Variants in RFX2 observed in about 807,000 individuals in gnomAD.
RFX2 encodes regulatory factor X2, also known as DNA-binding protein RFX2.
A neutral mutation model predicts 87.8 loss-of-function variants in RFX2; 20 were observed. The ratio of observed to expected loss-of-function variants is 0.23; its 90% CI spans 0.16 to 0.33. The LOEUF is 0.33. Among genes scored for constraint, RFX2 ranks in the 10% least tolerant of loss-of-function variants. RFX2 has a pLI of 1.00. For synonymous variants in RFX2, 397 were observed against 431.3 expected, an observed-to-expected ratio of 0.92 and a Z score of 0.98; for missense variants, 767 against 1,012.3, an observed-to-expected ratio of 0.76 and a Z score of 3.29.
At position 6,063,026 on chromosome 19, in the gene RFX2, C is replaced by A. The variant is rs763849704; in HGVS notation, c.-8-15522G>T. 3.9e-5 allele frequency among the ~76,000 whole-genome samples: 6 copies of A among 152,158 alleles called. No homozygotes were observed. Among genetic ancestry groups the A allele is most frequent in the Non-Finnish European group, 7.4e-5 (5 of 68,016 alleles). On this transcript the variant is annotated intron_variant, in intron 1 of 17. Transcript: ENST00000303657. This position sits in a 1 kb window ranked among gnomAD's most constrained non-coding sequence, Gnocchi z 4.0. ...TGGTGCCTGGCCCTTGCTGGGGTCA[C>A]CCACATCCCCTCCCGTGAGCTGCTG...
chr19:6,045,012 A>G lies in RFX2; in HGVS notation c.91-730T>C, dbSNP rs185535934. Among the ~76,000 whole-genome samples the G allele has an allele frequency of 3.3e-5, 5 of 152,274 alleles. No homozygotes were observed. The East Asian group carries it at 9.6e-4, about 29-fold the overall frequency. The stretch of plus-strand genomic sequence containing the variant: ...AAAGTGAACTCGAGTCGAGGGAGGA[A>G]CAGGAGTGTTTTGTGTGTTTATTGA... On this transcript the variant is annotated intron_variant, in intron 2 of 17. Coordinates refer to ENST00000303657, the MANE Select transcript of RFX2 (RefSeq NM_000635.4). The surrounding 1 kb of genome is among the most constrained non-coding windows in gnomAD (Gnocchi z 5.2).
intron 1 of RFX2, among the ~76,000 whole-genome samples, chr19:6,076,171 C>T (rs567349779): frequency 6.6e-6 from 1 of 152,270 alleles, no homozygotes; most frequent in South Asian, 2.1e-4. Context: ...GAAACCCCAT[C>T]TCTACTAAAA....
chr19:6,101,821 C>T lies in RFX2; in HGVS notation c.-9+8572G>A, dbSNP rs1458502273. Among the ~76,000 whole-genome samples the T allele has an allele frequency of 6.6e-6, 1 of 152,156 alleles. No individual in the cohort carries two copies. The highest frequency in any genetic ancestry group is 1.5e-5 in the Non-Finnish European group (1 of 68,024). ...AGCCTCTGTCCAGGTTCTCCCTCTACCTAAGAGTCCCTTTGAGATCTCTGC... is the reference window on the plus strand; with the variant it reads ...AGCCTCTGTCCAGGTTCTCCCTCTATCTAAGAGTCCCTTTGAGATCTCTGC... On this transcript the variant is annotated intron_variant, in intron 1 of 17. Coordinates refer to ENST00000303657, the MANE Select transcript of RFX2 (RefSeq NM_000635.4). The surrounding 1 kb of genome is among the most constrained non-coding windows in gnomAD (Gnocchi z 4.9).
chr19:5,994,903 G>T lies in RFX2; in HGVS notation c.2104C>A (p.Arg702Ser). The T allele has an allele frequency of 1.2e-6, 2 of 1,609,794 alleles. No homozygotes were observed. The change falls in exon 18 of 18, where the codon CGC becomes AGC. Residue 702 changes from arginine (R) to serine (S), a missense_variant. Physicochemically the swap from Arg to Ser is moderately radical, Grantham distance 110. This residue lies in a region of RFX2 where 621 missense variants were observed against 873.0 expected (regional missense o/e 0.71). Coordinates refer to ENST00000303657, the MANE Select transcript of RFX2 (RefSeq NM_000635.4). Reference sequence around the variant, plus strand: ...TTTACCAGGGGCTCACCCAGGCTGCGGGCGTCTGGGCCCGCCTCGCTGCCA... The same window carrying T: ...TTTACCAGGGGCTCACCCAGGCTGCTGGCGTCTGGGCCCGCCTCGCTGCCA... ...QRGSEAGPDA[R>S]SLGEPLVKRE...
In RFX2 at chr19:6,061,600, C is replaced by G. The variant is rs2087432202; in HGVS notation, c.-8-14096G>C. 6.6e-6 allele frequency among the ~76,000 whole-genome samples: 1 copy of G among 152,228 alleles called. No individual in the cohort carries two copies. Among genetic ancestry groups the G allele is most frequent in the African/African-American group, 2.4e-5 (1 of 41,462 alleles). ...CCTACTCCCGGCCCCGCCTCTGGAT[C>G]TTACTGGGGAGTCGGCTGCAGCCGG... On this transcript the variant is annotated intron_variant, in intron 1 of 17. Coordinates refer to ENST00000303657, the MANE Select transcript of RFX2 (RefSeq NM_000635.4). The surrounding 1 kb of genome is among the most constrained non-coding windows in gnomAD (Gnocchi z 5.2).
intron 1 of RFX2, among the ~76,000 whole-genome samples, chr19:6,058,535 C>T (rs114734355): frequency 0.014 from 2,199 of 151,776 alleles, 57 homozygotes; most frequent in African/African-American, 0.05. Flanking sequence ...CAATGCACAC[C>T]AAGGGCAACC....
At chr19:6,073,666 G>T in intron 1 of RFX2, 3 of 248,806 alleles carry the variant, frequency 1.2e-5, no homozygotes, top group Middle Eastern at 1.5e-3. Context: ...AAAGAAGGAA[G>T]GCTGAATGGA....
chr19:6,023,840 C>T lies in RFX2; in HGVS notation c.597+2323G>A, dbSNP rs1166427744. 1.3e-5 allele frequency among the ~76,000 whole-genome samples: 2 copies of T among 151,458 alleles called. No homozygotes were observed. Among genetic ancestry groups the T allele is most frequent in the Admixed American group, 6.6e-5 (1 of 15,208 alleles). Reference sequence around the variant, plus strand: ...TGTCTCCCAGGCTGGAGTGCAGTGGCGCAATCTCAGCTCACTGCAACCTCC... The same window carrying T: ...TGTCTCCCAGGCTGGAGTGCAGTGGTGCAATCTCAGCTCACTGCAACCTCC... On this transcript the variant is annotated intron_variant, in intron 6 of 17. Transcript: ENST00000303657. This position sits in a 1 kb window ranked among gnomAD's most constrained non-coding sequence, Gnocchi z 4.9.
rs2086626164 is a variant in RFX2 at position 6,008,989 on chromosome 19, A to G, written c.1016-765T>C. On this transcript the variant is annotated intron_variant, in intron 9 of 17. Coordinates refer to ENST00000303657, the MANE Select transcript of RFX2 (RefSeq NM_000635.4). ...GCCACCGTGCCCAGTACAGTCAGGG[A>G]ATTTCTAAGCATCAGTTTTCTCAGG... is the stretch of plus-strand genomic sequence containing the variant. Among the ~76,000 whole-genome samples the G allele has an allele frequency of 2.0e-5, 3 of 152,216 alleles. No individual in the cohort carries two copies. The South Asian group carries it at 6.2e-4, about 32-fold the overall frequency.
At chr19:6,073,406 T>C in intron 1 of RFX2, 2 of 1,069,662 alleles carry the variant, frequency 1.9e-6, no homozygotes, top group Middle Eastern at 3.1e-4. Flanking sequence ...GTGCAACAAA[T>C]CTCCCTGTGC....
At chr19:6,032,269 G>A (rs1025879960) in intron 5 of RFX2, among the ~76,000 whole-genome samples, 4 of 151,998 alleles carry the variant, frequency 2.6e-5, no homozygotes, top group Admixed American at 6.6e-5. Flanking sequence ...CTACAGGTGC[G>A]TGCCACCCCG....
intron 1 of RFX2, among the ~76,000 whole-genome samples, chr19:6,088,211 C>G (rs978399347): frequency 5.9e-5 from 5 of 84,394 alleles, no homozygotes; most frequent in African/African-American, 2.4e-4. Flanking sequence ...GGCACTACAG[C>G]TTTTTTTTTT....
intron 1 of RFX2, chr19:6,067,993 A>C (rs923214806): frequency 5.9e-5 from 9 of 152,306 alleles, no homozygotes; most frequent in Admixed American, 2.0e-4. Context: ...AGAAGAAAGG[A>C]AGACAGATTC....
chr19:6,104,568 C>CAAA (rs576267913), intron 1 of RFX2, among the ~76,000 whole-genome samples: 7 of 121,148 alleles, frequency 5.8e-5, no homozygotes, highest in African/African-American at 2.0e-4. Flanking sequence ...GACTCCATCT[C>CAAA]AAAAAAAAAA....
At chr19:6,014,076 T>A (rs1399341040) in intron 7 of RFX2, among the ~76,000 whole-genome samples, 1 of 152,130 alleles carries the variant, frequency 6.6e-6, no homozygotes, top group African/African-American at 2.4e-5. Context: ...TTAAACAATT[T>A]AGTTCAGAAA....
intron 1 of RFX2, among the ~76,000 whole-genome samples, chr19:6,059,182 G>A (rs2087392460): frequency 6.6e-6 from 1 of 152,072 alleles, no homozygotes; most frequent in South Asian, 2.1e-4. Flanking sequence ...GTCTTGCTAT[G>A]TTGCCCAGAA....
rs528411165 is a variant in RFX2 at position 6,096,175 on chromosome 19, G to A, written c.-9+14218C>T. Among the ~76,000 whole-genome samples, 9 of 152,270 alleles carry A rather than the reference G, an allele frequency of 5.9e-5. No homozygotes were observed. The East Asian group carries it at 9.6e-4, about 16-fold the overall frequency. ...GCTCAAATAAAATAATGGCACTTGC[G>A]CCAATCTGCAGAAATATTTATTGAA... On this transcript the variant is annotated intron_variant, in intron 1 of 17. Coordinates refer to ENST00000303657, the MANE Select transcript of RFX2 (RefSeq NM_000635.4).
intron 2 of RFX2, among the ~76,000 whole-genome samples, chr19:6,046,546 G>A (rs1218029990): frequency 6.8e-6 from 1 of 146,060 alleles, no homozygotes; most frequent in Admixed American, 6.8e-5. Flanking sequence ...GCGACAGAGC[G>A]AGACTCCGTC....
In RFX2 at chr19:6,027,408, C is replaced by T. The variant is rs2086905116; in HGVS notation, c.523-1171G>A. 6.6e-6 allele frequency: 1 copy of T among 152,306 alleles called. No homozygotes were observed. Among genetic ancestry groups the T allele is most frequent in the Non-Finnish European group, 1.5e-5 (1 of 68,098 alleles). The allele number at this position is 152,306 out of a possible 1,614,324, so 9.4% of individuals were successfully genotyped here. A position where few individuals can be genotyped will look rare whatever the true frequency, so the allele number is the denominator to read the frequency against. On this transcript the variant is annotated intron_variant, in intron 5 of 17. Transcript: ENST00000303657. This position sits in a 1 kb window ranked among gnomAD's most constrained non-coding sequence, Gnocchi z 5.0. ...GGTGAGACCTCTCCCACCCATCAGC[C>T]TCAGGGTGCAGGCGATGAGAAGGCA...
Sources: gnomAD v4.1 joint callset for allele counts (sites outside exome capture counted in the v4.1 genomes callset) on GRCh38, gnomAD v4.1.1 for gene constraint, gnomAD v4.1.1 regional missense constraint, Gnocchi (gnomAD v3.1) non-coding constraint, MANE v1.5 for transcripts, NCBI Gene and HGNC (gene_info 2026-07-23, HGNC 2026-07-21) for gene names.